The following ADAM22 variants were observed in gnomAD, a reference collection of about 807,000 sequenced individuals.
ADAM22 encodes ADAM metallopeptidase domain 22.
ADAM22 carries 65 observed loss-of-function variants against 144.6 expected under a neutral mutation model. The ratio of observed to expected loss-of-function variants is 0.45; its 90% CI spans 0.37 to 0.55. The LOEUF (loss-of-function observed/expected upper bound fraction) is 0.55, where lower values mean the gene tolerates loss of function less well. Ranked by LOEUF, ADAM22 falls within the 20% of genes least tolerant of loss-of-function variation. ADAM22 has a pLI of 0.00. For synonymous variants in ADAM22, 391 were observed against 412.6 expected (o/e 0.95, Z 0.63); for missense variants, 974 against 1,184.9 (o/e 0.82, Z 2.61).
In ADAM22 at chr7:87,940,937, G is replaced by A. The variant is rs1055914541; in HGVS notation, c.246+5751G>A. ...TATTGATGGTTTGATACTACTCATT[G>A]TTTGATACACATAATTGCTATTTTT... On this transcript the variant is annotated intron_variant, in intron 2 of 31. Coordinates refer to ENST00000413139, the MANE Select transcript of ADAM22 (RefSeq NM_001324418.2). 3.3e-5 allele frequency among the ~76,000 whole-genome samples: 5 copies of A among 152,146 alleles called. No homozygotes were observed. The East Asian group carries it at 9.6e-4, about 29-fold the overall frequency.
chr7:88,010,207 C>T (rs1365760094), intron 3 of ADAM22, among the ~76,000 whole-genome samples: 1 of 152,194 alleles, frequency 6.6e-6, no homozygotes, highest in African/African-American at 2.4e-5. Context: ...CCATGGAACA[C>T]TGGCTATAAG....
At chr7:87,997,876 T>A (rs1791602589) in intron 3 of ADAM22, among the ~76,000 whole-genome samples, 1 of 152,178 alleles carries the variant, frequency 6.6e-6, no homozygotes, top group Admixed American at 6.5e-5. Context: ...GAGTATTGAC[T>A]CACACAATCA....
intron 4 of ADAM22, among the ~76,000 whole-genome samples, chr7:88,083,796 G>A (rs1261918329): frequency 1.3e-5 from 2 of 151,946 alleles, no homozygotes; most frequent in Non-Finnish European, 2.9e-5. Context: ...AAGTTATTCG[G>A]AACTGAAGAT....
At chr7:88,056,207 C>G (rs1238120543) in intron 3 of ADAM22, among the ~76,000 whole-genome samples, 4 of 152,132 alleles carry the variant, frequency 2.6e-5, no homozygotes, top group Non-Finnish European at 1.5e-5. Flanking sequence ...ATCCTCTTTA[C>G]TTCATAGAAA....
chr7:87,980,818 G>A (rs1853204093), intron 3 of ADAM22, among the ~76,000 whole-genome samples: 2 of 152,060 alleles, frequency 1.3e-5, no homozygotes, highest in African/African-American at 2.4e-5. Flanking sequence ...GAAAAGGGTG[G>A]GGAGCAGTTT....
chr7:88,187,702 C>G (rs1848628742), intron 30 of ADAM22, among the ~76,000 whole-genome samples: 1 of 152,154 alleles, frequency 6.6e-6, no homozygotes, highest in Middle Eastern at 3.2e-3. Context: ...TGACTTGGGT[C>G]AACATTGAAC....
rs146047693 is a variant in ADAM22, at chr7:88,025,706, A to G, written c.323+47294A>G. On this transcript the variant is annotated intron_variant, in intron 3 of 31. Coordinates refer to ENST00000413139, the MANE Select transcript of ADAM22 (RefSeq NM_001324418.2). ...GTATGGATTTGTTTCTTGGTTCTCT[A>G]TTTTTTTACATTGGTCTATTTGTCT... Among the ~76,000 whole-genome samples the G allele has an allele frequency of 2.3e-3, 343 of 152,030 alleles. 1 individual carries two copies. The highest frequency in any genetic ancestry group is 7.8e-3 in the African/African-American group (324 of 41,478).
At chr7:88,086,684 G>A (rs1257052152) in intron 4 of ADAM22, among the ~76,000 whole-genome samples, 4 of 152,112 alleles carry the variant, frequency 2.6e-5, no homozygotes, top group African/African-American at 4.8e-5. Context: ...CAACTAATCA[G>A]AATACCTTGG....
intron 3 of ADAM22, among the ~76,000 whole-genome samples, chr7:88,023,846 C>G (rs1014212374): frequency 6.6e-6 from 1 of 151,006 alleles, no homozygotes; most frequent in African/African-American, 2.4e-5. Context: ...CCTCCTGTTA[C>G]CCCTCCCAGC....
chr7:88,155,765 G>T (rs1262309345), intron 21 of ADAM22, 122 bp from the exon 22 acceptor site: 1 of 1,113,398 alleles, frequency 9.0e-7, no homozygotes, highest in Non-Finnish European at 1.2e-6. Flanking sequence ...TATTTCACTT[G>T]GCATATGAGT....
chr7:87,984,174 C>T (rs560996382), intron 3 of ADAM22, among the ~76,000 whole-genome samples: 1 of 152,260 alleles, frequency 6.6e-6, no homozygotes, highest in Admixed American at 6.5e-5. Context: ...AACTCTATCC[C>T]CAAGTGTTTC....
At chr7:88,006,346 T>C (rs1793846792) in intron 3 of ADAM22, among the ~76,000 whole-genome samples, 1 of 151,926 alleles carries the variant, frequency 6.6e-6, no homozygotes, top group Non-Finnish European at 1.5e-5. Flanking sequence ...GTACCATTCC[T>C]TCTGAAACTA....
chr7:88,125,256 G>A (rs181454635), intron 7 of ADAM22, among the ~76,000 whole-genome samples: 361 of 151,914 alleles, frequency 2.4e-3, no homozygotes, highest in African/African-American at 8.6e-3. Flanking sequence ...TCTTTATTTT[G>A]CTGCCTCTAG....
chr7:88,010,393 GA>G (rs1795083164), intron 3 of ADAM22, among the ~76,000 whole-genome samples: 1 of 152,180 alleles, frequency 6.6e-6, no homozygotes, highest in South Asian at 2.1e-4. Context: ...CAAACCACTG[GA>G]AGGTAAGCAG....
chr7:87,938,625 A>G (rs1320065282), intron 2 of ADAM22, among the ~76,000 whole-genome samples: 1 of 151,972 alleles, frequency 6.6e-6, no homozygotes, highest in African/African-American at 2.4e-5. Context: ...GTTTCTTTAA[A>G]AGGCATTTAT....
intron 27 of ADAM22, among the ~76,000 whole-genome samples, chr7:88,181,068 A>T (rs1846908250): frequency 6.6e-6 from 1 of 152,146 alleles, no homozygotes; most frequent in South Asian, 2.1e-4. Context: ...CACTTGAGCA[A>T]ATCTTTATGT....
intron 25 of ADAM22, 194 bp downstream of exon 25, chr7:88,168,421 A>G: frequency 1.6e-6 from 1 of 637,676 alleles, no homozygotes. Context: ...AGATTTTGAG[A>G]CAACTTCCTT....
At chr7:87,999,565 A>C (rs551889790) in intron 3 of ADAM22, among the ~76,000 whole-genome samples, 1 of 152,318 alleles carries the variant, frequency 6.6e-6, no homozygotes, top group East Asian at 1.9e-4. Flanking sequence ...GTGTCACCCT[A>C]AAAACACCCA....
intron 3 of ADAM22, among the ~76,000 whole-genome samples, chr7:88,066,294 A>G (rs1228212967): frequency 6.6e-6 from 1 of 152,134 alleles, no homozygotes; most frequent in African/African-American, 2.4e-5. Flanking sequence ...TGAAAACACT[A>G]TTGACAGAAT....
Sources: gnomAD v4.1 joint callset for allele counts (sites outside exome capture counted in the v4.1 genomes callset) on GRCh38, gnomAD v4.1.1 for gene constraint, MANE v1.5 for transcripts, NCBI Gene and HGNC (gene_info 2026-07-23, HGNC 2026-07-21) for gene names.